Variants in DOT1L observed in about 807,000 individuals in gnomAD.
DOT1L encodes DOT1 like histone lysine methyltransferase, also known as histone-lysine N-methyltransferase, H3 lysine-79 specific.
DOT1L carries 33 observed loss-of-function variants against 153.3 expected under a neutral mutation model. That is an observed-to-expected ratio of 0.22 (90% CI 0.16 to 0.29). DOT1L has a LOEUF of 0.29. Among genes scored for constraint, DOT1L ranks in the 10% least tolerant of loss-of-function variants. DOT1L has a pLI of 1.00. For synonymous variants in DOT1L, 1,135 were observed against 965.1 expected, an observed-to-expected ratio of 1.18 and a Z score of -3.26; for missense variants, 1,847 against 2,119.9, an observed-to-expected ratio of 0.87 and a Z score of 2.53.
intron 7 of DOT1L, among the ~76,000 whole-genome samples, chr19:2,198,579 C>T (rs112105829): frequency 1.6e-4 from 24 of 152,346 alleles, no homozygotes; most frequent in African/African-American, 4.3e-4. Flanking sequence ...CCTCTCTGCT[C>T]GGGGACTCCG....
chr19:2,183,918 C>T (rs1043623688), intron 2 of DOT1L, among the ~76,000 whole-genome samples: 1 of 133,954 alleles, frequency 7.5e-6, no homozygotes, highest in African/African-American at 2.6e-5. Flanking sequence ...AGCCACCACG[C>T]CCGGCCTTTG....
intron 27 of DOT1L, chr19:2,229,315 C>A (rs892245892): frequency 2.4e-5 from 24 of 985,342 alleles, no homozygotes; most frequent in Non-Finnish European, 2.9e-5. Context: ...CTCTGCTTGC[C>A]CCTGGCCTTC....
chr19:2,185,637 T>C (rs988029186), intron 2 of DOT1L, among the ~76,000 whole-genome samples: 1 of 151,992 alleles, frequency 6.6e-6, no homozygotes, highest in Non-Finnish European at 1.5e-5. Context: ...GGCGTGGTGG[T>C]GGGCACCTGT....
chr19:2,216,399 G>T lies in DOT1L; in HGVS notation c.2042G>T (p.Arg681Leu), dbSNP rs749779365. 1.9e-6 allele frequency: 3 copies of T among 1,612,276 alleles called. No homozygotes were observed. The African/African-American group carries it at 4.0e-5, about 22-fold the overall frequency. Residue 681 changes from arginine to leucine, a missense_variant, in exon 20 of 28, where the codon CGC (arginine) becomes CTC (leucine). Coordinates refer to ENST00000398665, the MANE Select transcript of DOT1L (RefSeq NM_032482.3). ...CTGCGTGGGAAGGGCGCCCTGGGCCGCGAGCTGGAGCCTGACGCCAGCCGG... is the reference window on the plus strand; with the variant it reads ...CTGCGTGGGAAGGGCGCCCTGGGCCTCGAGCTGGAGCCTGACGCCAGCCGG... The part of the protein sequence containing the change: ...LHLRGKGALG[R>L]ELEPDASRLH...
chr19:2,227,724 C>T, intron 27 of DOT1L: 1 of 1,310,384 alleles, frequency 7.6e-7, no homozygotes, highest in Non-Finnish European at 1.0e-6. Flanking sequence ...GCGTTTTTCT[C>T]TCCTATTTGC....
rs2144821034 is a variant in DOT1L at position 2,208,863 on chromosome 19, C to T, written c.964-72C>T. ...GCCACTGTCCAGGTTGCTGTTGTTA[C>T]CTGGGTGTCCAGACAAATCCGAACA... On this transcript the variant is annotated intron_variant, in intron 11 of 27. Transcript: ENST00000398665. The surrounding 1 kb of genome is among the most constrained non-coding windows in gnomAD (Gnocchi z 4.4). The T allele has an allele frequency of 6.6e-7, 1 of 1,524,002 alleles. No homozygotes were observed. The highest frequency in any genetic ancestry group is 1.2e-5 in the South Asian group (1 of 85,072). The allele number at this position is 1,524,002 out of a possible 1,614,324, so 94.4% of individuals were successfully genotyped here.
chr19:2,200,932 A>ATTCCTCG (rs2023242162), intron 8 of DOT1L, among the ~76,000 whole-genome samples: 3 of 61,864 alleles, frequency 4.8e-5, no homozygotes, highest in African/African-American at 2.0e-4. Flanking sequence ...CGTATTCCTC[A>ATTCCTCG]TCCTCCCCGC....
chr19:2,184,332 A>G (rs1419604265), intron 2 of DOT1L, among the ~76,000 whole-genome samples: 3 of 151,952 alleles, frequency 2.0e-5, no homozygotes, highest in Non-Finnish European at 4.4e-5. Flanking sequence ...ACCAATAATC[A>G]CAGAGGGCGG....
intron 3 of DOT1L, among the ~76,000 whole-genome samples, chr19:2,187,238 T>G (rs2022554218): frequency 6.6e-6 from 1 of 152,226 alleles, no homozygotes; most frequent in South Asian, 2.1e-4. Context: ...GAGTGGGTGT[T>G]GTCGGGCTGA....
rs372945022 is a variant in DOT1L at position 2,229,681 on chromosome 19, G to A, written c.4607-104G>A. 103 of 1,604,142 alleles carry A rather than the reference G, an allele frequency of 6.4e-5. No homozygotes were observed. The East Asian group carries it at 1.1e-3, about 18-fold the overall frequency. On this transcript the variant is annotated intron_variant, in intron 27 of 27. Transcript: ENST00000398665. Reference sequence around the variant, plus strand: ...TGTCATGGTGCTGGCCCCAGGTGGCGTGTGTGCTCGTGGGAGGCCTCGGTC... The same window carrying A: ...TGTCATGGTGCTGGCCCCAGGTGGCATGTGTGCTCGTGGGAGGCCTCGGTC...
At position 2,210,783 on chromosome 19, in the gene DOT1L, A is replaced by G. The variant is rs2144832974; in HGVS notation, c.1279A>G (p.Lys427Glu). 6.2e-7 allele frequency: 1 copy of G among 1,612,982 alleles called. No homozygotes were observed. The highest frequency in any genetic ancestry group is 2.2e-5 in the East Asian group (1 of 44,856). The change falls in exon 14 of 28, where the codon AAG becomes GAG. Residue 427 changes from lysine (K) to glutamate (E), a missense_variant. Lys to Glu is a moderately conservative substitution (Grantham distance 56). Around this residue, in one of 8 missense-constraint regions of DOT1L, gnomAD observed 205 missense variants for 203.1 expected, o/e 1.01. Transcript: ENST00000398665. ...MNTANPERKP[K>E]KNQTALDALH... ...CACTGCGAACCCCGAGCGGAAGCCC[A>G]AGAAGAACCAAACTGCACTGGATGC...
Position 2,169,015 on chromosome 19 carries a change from A to C in DOT1L, c.81+4750A>C, listed in dbSNP as rs369303010. 4.6e-5 allele frequency among the ~76,000 whole-genome samples: 7 copies of C among 152,326 alleles called. No homozygotes were observed. In the East Asian group the frequency reaches 1.2e-3, roughly 25 times the overall value. The stretch of plus-strand genomic sequence containing the variant: ...TGCTCGGAAAGAACCTTCAAAGGCC[A>C]CAGAACGGGACCTTCCCCCTGGTGA... On this transcript the variant is annotated intron_variant, in intron 1 of 27. Coordinates refer to ENST00000398665, the MANE Select transcript of DOT1L (RefSeq NM_032482.3).
intron 1 of DOT1L, among the ~76,000 whole-genome samples, chr19:2,170,288 C>G (rs1053629001): frequency 6.6e-6 from 1 of 152,212 alleles, no homozygotes; most frequent in Non-Finnish European, 1.5e-5. Flanking sequence ...TGCCTTTCCA[C>G]GCTTGCCCCT....
rs2023556367 is a variant in DOT1L at position 2,207,700 on chromosome 19, T to C, written c.963+20T>C. On this transcript the variant is annotated intron_variant, in intron 11 of 27. Coordinates refer to ENST00000398665, the MANE Select transcript of DOT1L (RefSeq NM_032482.3). The surrounding 1 kb of genome is among the most constrained non-coding windows in gnomAD (Gnocchi z 4.5). ...ACCATAGTGAGTATCTCGCTGCGCC[T>C]CAGCCGCAGGGCCGTCCTGGTCTTC... 1 of 1,597,994 alleles carries C rather than the reference T, an allele frequency of 6.3e-7. No individual in the cohort carries two copies. Among genetic ancestry groups the C allele is most frequent in the Admixed American group, 1.7e-5 (1 of 58,256 alleles).
rs1368644653 is a variant in DOT1L at position 2,210,685 on chromosome 19, C to T, written c.1181C>T (p.Ala394Val). The change falls in exon 14 of 28, where the codon GCC (alanine) becomes GTC (valine). Residue 394 changes from alanine to valine, a missense_variant. Ala to Val is a moderately conservative substitution (Grantham distance 64, BLOSUM62 0). This residue lies in a region of DOT1L where 205 missense variants were observed against 203.1 expected (regional missense o/e 1.01). Coordinates refer to ENST00000398665, the MANE Select transcript of DOT1L (RefSeq NM_032482.3). ...ATVKKPSPSK[A>V]RKKKLNKKGR... ...GTGAAGAAGCCGTCTCCCTCCAAAG[C>T]CCGCAAGAAGAAGCTAAACAAGAAG... 6.2e-7 allele frequency: 1 copy of T among 1,613,108 alleles called. No individual in the cohort carries two copies. The highest frequency in any genetic ancestry group is 8.5e-7 in the Non-Finnish European group (1 of 1,179,950).
rs769703319 is a variant in DOT1L at position 2,213,656 on chromosome 19, G to GGGCAGGT, written c.1659+29_1659+35dup. 268 of 1,613,460 alleles carry GGGCAGGT rather than the reference G, an allele frequency of 1.7e-4. 1 individual carries two copies. Among genetic ancestry groups the GGGCAGGT allele is most frequent in the Non-Finnish European group, 2.1e-4 (251 of 1,179,818 alleles). ...ATTGGATGAGGTAGTGGACCCCAGA[G>GGGCAGGT]GGCAGGTGGCAGGTGGCAGCTGGGG... On this transcript the variant is annotated intron_variant, in intron 17 of 27. Coordinates refer to ENST00000398665, the MANE Select transcript of DOT1L (RefSeq NM_032482.3).
chr19:2,211,736 C>T lies in DOT1L; in HGVS notation c.1466-15C>T, dbSNP rs547884887. The T allele has an allele frequency of 1.9e-5, 29 of 1,552,944 alleles. No individual in the cohort carries two copies. Among genetic ancestry groups the T allele is most frequent in the East Asian group, 1.2e-4 (5 of 41,544 alleles). On this transcript the variant is annotated splice_polypyrimidine_tract_variant and intron_variant, in intron 15 of 27. Transcript: ENST00000398665. Reference sequence around the variant, plus strand: ...AGCTGCTCTCTTCTCACCTGTGTTCCGCCTCTCTTCCCAGAGTCCTTCAAG... The same window carrying T: ...AGCTGCTCTCTTCTCACCTGTGTTCTGCCTCTCTTCCCAGAGTCCTTCAAG...
intron 3 of DOT1L, among the ~76,000 whole-genome samples, chr19:2,186,837 AC>A (rs911813183): frequency 4.6e-5 from 7 of 151,870 alleles, no homozygotes; most frequent in African/African-American, 1.2e-4. Flanking sequence ...GCCTCTCGCC[AC>A]CCCCCCTCAT....
At position 2,166,166 on chromosome 19, in the gene DOT1L, G is replaced by A. The variant is rs527821271; in HGVS notation, c.81+1901G>A. The stretch of plus-strand genomic sequence containing the variant: ...GGCTGGAGTGCAATGGTGCGATCTC[G>A]GCTCACTGAAACCTCAGCCTCCCGG... On this transcript the variant is annotated intron_variant, in intron 1 of 27. Coordinates refer to ENST00000398665, the MANE Select transcript of DOT1L (RefSeq NM_032482.3). Among the ~76,000 whole-genome samples, 3 of 150,518 alleles carry A rather than the reference G, an allele frequency of 2.0e-5. No individual in the cohort carries two copies. In the South Asian group the frequency reaches 6.3e-4, roughly 32 times the overall value.
Sources: gnomAD v4.1 joint callset for allele counts (sites outside exome capture counted in the v4.1 genomes callset) on GRCh38, gnomAD v4.1.1 for gene constraint, gnomAD v4.1.1 regional missense constraint, Gnocchi (gnomAD v3.1) non-coding constraint, MANE v1.5 for transcripts, NCBI Gene and HGNC (gene_info 2026-07-23, HGNC 2026-07-21) for gene names.